Variants in PPP1R16B observed in about 807,000 individuals in gnomAD.
PPP1R16B encodes the protein protein phosphatase 1 regulatory subunit 16B.
Under a neutral mutation model 61.7 loss-of-function variants are expected in PPP1R16B, and 14 were observed. The ratio of observed to expected loss-of-function variants is 0.23; its 90% confidence interval spans 0.15 to 0.35. The LOEUF (loss-of-function observed/expected upper bound fraction) is 0.35, where lower values mean the gene tolerates loss of function less well. Ranked by LOEUF, PPP1R16B falls within the 10% of genes least tolerant of loss-of-function variation. The pLI is 1.00. For synonymous variants in PPP1R16B, 266 were observed against 305.3 expected (o/e 0.87, Z 1.34); for missense variants, 547 against 752.5 (o/e 0.73, Z 3.19).
chr20:38,826,385 T>C (rs2084805397), intron 1 of PPP1R16B, among the ~76,000 whole-genome samples: 1 of 152,214 alleles, frequency 6.6e-6, no homozygotes, highest in African/African-American at 2.4e-5. Context: ...TGTGTGCCCC[T>C]GTCCTTGGCA....
chr20:38,818,516 GA>G (rs2084753710), intron 1 of PPP1R16B, among the ~76,000 whole-genome samples: 1 of 152,208 alleles, frequency 6.6e-6, no homozygotes, highest in Non-Finnish European at 1.5e-5. Context: ...CCCTCCAAGG[GA>G]AATACAGGAT....
chr20:38,908,290 G>T, intron 10 of PPP1R16B, 97 bp downstream of exon 10: 1 of 1,468,026 alleles, frequency 6.8e-7, no homozygotes, highest in East Asian at 2.4e-5. Flanking sequence ...AGCCTTCAGA[G>T]GGAAGTAGCC....
At chr20:38,832,971 T>G (rs1483868823) in intron 1 of PPP1R16B, among the ~76,000 whole-genome samples, 2 of 151,932 alleles carry the variant, frequency 1.3e-5, no homozygotes, top group East Asian at 1.9e-4. Context: ...CTTGTACTCT[T>G]GGGTATTTGC....
In PPP1R16B at chr20:38,892,235, T is replaced by C. The variant is rs370818626; in HGVS notation, c.321+2570T>C. ...TCTCAAGTGGCACCCTTTTTTTAGCTTGGGGTTCCCGCCACCTCACATAGT... is the reference window on the plus strand; with the variant it reads ...TCTCAAGTGGCACCCTTTTTTTAGCCTGGGGTTCCCGCCACCTCACATAGT... On this transcript the variant is annotated intron_variant, in intron 3 of 10. Coordinates refer to ENST00000299824, the MANE Select transcript of PPP1R16B (RefSeq NM_015568.4). 2.6e-5 allele frequency among the ~76,000 whole-genome samples: 4 copies of C among 152,254 alleles called. No homozygotes were observed. In the East Asian group the frequency reaches 5.8e-4, roughly 22 times the overall value.
intron 2 of PPP1R16B, among the ~76,000 whole-genome samples, chr20:38,866,497 C>T (rs1157075522): frequency 3.3e-5 from 5 of 152,334 alleles, no homozygotes; most frequent in South Asian, 2.1e-4. Flanking sequence ...GTTATCTCGC[C>T]AGCACTCTTG....
intron 6 of PPP1R16B, among the ~76,000 whole-genome samples, chr20:38,905,532 G>A (rs551230869): frequency 6.6e-6 from 1 of 152,252 alleles, no homozygotes; most frequent in East Asian, 1.9e-4. Context: ...TCACAAACAG[G>A]ATATTCACAA....
chr20:38,910,128 G>A lies in PPP1R16B; in HGVS notation c.1194+1935G>A, dbSNP rs536656523. Among the ~76,000 whole-genome samples the A allele has an allele frequency of 2.0e-4, 31 of 152,054 alleles. No homozygotes were observed. The South Asian group carries it at 2.3e-3, about 11-fold the overall frequency. On this transcript the variant is annotated intron_variant, in intron 10 of 10. Transcript: ENST00000299824. ...TGAGTAGTTGGGATTACTAGTGCCCGCCACGACGCCTGGTGGATTTTTGTA... is the reference window on the plus strand; with the variant it reads ...TGAGTAGTTGGGATTACTAGTGCCCACCACGACGCCTGGTGGATTTTTGTA...
At chr20:38,849,984 A>G (rs1425353252) in intron 2 of PPP1R16B, among the ~76,000 whole-genome samples, 2 of 152,222 alleles carry the variant, frequency 1.3e-5, no homozygotes, top group Non-Finnish European at 2.9e-5. Context: ...AACTCAAGCT[A>G]ACAAGGTTAA....
chr20:38,808,551 G>A (rs896042645), intron 1 of PPP1R16B, among the ~76,000 whole-genome samples: 5 of 152,302 alleles, frequency 3.3e-5, no homozygotes, highest in African/African-American at 9.6e-5. Flanking sequence ...AGAAAGCTAC[G>A]AGTATGAAGA....
chr20:38,906,288 T>G (rs954825725), intron 7 of PPP1R16B, among the ~76,000 whole-genome samples, 194 bp downstream of exon 7: 7 of 117,284 alleles, frequency 6.0e-5, no homozygotes, highest in Non-Finnish European at 9.4e-5. Flanking sequence ...GTTGTGTTTT[T>G]TTTTTTTTTT....
intron 3 of PPP1R16B, among the ~76,000 whole-genome samples, chr20:38,894,482 C>T (rs1212473788): frequency 1.3e-5 from 2 of 152,232 alleles, no homozygotes; most frequent in Non-Finnish European, 2.9e-5. Flanking sequence ...CGCGCACACA[C>T]ACCATCTGTT....
intron 1 of PPP1R16B, among the ~76,000 whole-genome samples, chr20:38,829,077 T>C (rs1442426224): frequency 6.6e-6 from 1 of 152,150 alleles, no homozygotes; most frequent in Non-Finnish European, 1.5e-5. Flanking sequence ...TCCCCAGATA[T>C]GCACTGACTC....
At chr20:38,815,274 A>T (rs2084728023) in intron 1 of PPP1R16B, among the ~76,000 whole-genome samples, 1 of 152,222 alleles carries the variant, frequency 6.6e-6, no homozygotes. Flanking sequence ...TTTTTAACAC[A>T]ACTATACAAA....
intron 2 of PPP1R16B, among the ~76,000 whole-genome samples, chr20:38,867,818 G>A (rs1450425033): frequency 1.3e-5 from 2 of 151,816 alleles, no homozygotes; most frequent in African/African-American, 2.4e-5. Context: ...GATTACAGGC[G>A]CCCGCCACCA....
At chr20:38,855,649 G>C (rs2084998774) in intron 2 of PPP1R16B, among the ~76,000 whole-genome samples, 1 of 151,802 alleles carries the variant, frequency 6.6e-6, no homozygotes, top group African/African-American at 2.4e-5. Context: ...GCTGGTTAAG[G>C]GCAGGGCCCT....
intron 1 of PPP1R16B, among the ~76,000 whole-genome samples, chr20:38,829,840 A>T (rs1350961372): frequency 6.6e-6 from 1 of 152,206 alleles, no homozygotes; most frequent in Non-Finnish European, 1.5e-5. Context: ...TATTGGGGGA[A>T]ACTAGGTCAC....
At chr20:38,808,902 G>A (rs956081531) in intron 1 of PPP1R16B, among the ~76,000 whole-genome samples, 5 of 152,066 alleles carry the variant, frequency 3.3e-5, no homozygotes, top group Non-Finnish European at 5.9e-5. Context: ...GCATGGTGGC[G>A]CATGCCTGTA....
intron 10 of PPP1R16B, 107 bp downstream of exon 10, chr20:38,908,300 C>G (rs2085462833): frequency 7.3e-7 from 1 of 1,365,398 alleles, no homozygotes. Flanking sequence ...GGGAAGTAGC[C>G]AGGCACTGCC....
intron 1 of PPP1R16B, among the ~76,000 whole-genome samples, chr20:38,812,838 AACTT>A (rs1262521093): frequency 6.6e-6 from 1 of 152,086 alleles, no homozygotes; most frequent in Non-Finnish European, 1.5e-5. Context: ...CATTGGTTAG[AACTT>A]ACTTGGATAG....
Sources: gnomAD v4.1 joint callset for allele counts (sites outside exome capture counted in the v4.1 genomes callset) on GRCh38, gnomAD v4.1.1 for gene constraint, MANE v1.5 for transcripts, NCBI Gene and HGNC (gene_info 2026-07-23, HGNC 2026-07-21) for gene names.